Variants in ZBTB32 observed in about 807,000 individuals in gnomAD.
ZBTB32 encodes zinc finger and BTB domain containing 32, also known as zinc finger and BTB domain-containing protein 32.
Under a neutral mutation model 45.3 loss-of-function variants are expected in ZBTB32, and 28 were observed. The ratio of observed to expected loss-of-function variants is 0.62; its 90% CI spans 0.46 to 0.85. The LOEUF (loss-of-function observed/expected upper bound fraction) is 0.85. ZBTB32 is among the 40% of genes least tolerant of loss of function. ZBTB32 has a pLI of 0.00. For synonymous variants in ZBTB32, 283 were observed against 255.7 expected (o/e 1.11, Z -1.02); for missense variants, 587 against 624.4 (o/e 0.94, Z 0.64).
At chr19:35,710,210 C>CA (rs548748968) in intron 1 of ZBTB32, among the ~76,000 whole-genome samples, 182 of 140,966 alleles carry the variant, frequency 1.3e-3, no homozygotes, top group South Asian at 8.4e-3. Flanking sequence ...AACTCTGTCT[C>CA]AAAAAAAAAA....
Position 35,707,917 on chromosome 19 carries a change from G to C in ZBTB32, c.-222+3294G>C, listed in dbSNP as rs187210012. Among the ~76,000 whole-genome samples, 34 of 152,274 alleles carry C rather than the reference G, an allele frequency of 2.2e-4. No homozygotes were observed. The East Asian group carries it at 6.0e-3, about 27-fold the overall frequency. On this transcript the variant is annotated intron_variant, in intron 1 of 6. Transcript: ENST00000392197. ...GAATCTCTTGAACCTGGGAGGCAGA[G>C]GTTGCACTGAGCCAAGATCGTGCCA...
Position 35,716,761 on chromosome 19 carries a change from C to A in ZBTB32, c.*9C>A. ...CTTCCTCCACCACCTGACGGGGTGT[C>A]GGTAGCGTCTTAGCCAAGAGTCCAA... On this transcript the variant is annotated 3_prime_UTR_variant, in exon 7 of 7. Coordinates refer to ENST00000392197, the MANE Select transcript of ZBTB32 (RefSeq NM_014383.3). 1 of 1,596,182 alleles carries A rather than the reference C, an allele frequency of 6.3e-7. No homozygotes were observed. The highest frequency in any genetic ancestry group is 1.1e-5 in the South Asian group (1 of 90,666).
At chr19:35,712,220 G>A (rs778679535) in intron 1 of ZBTB32, among the ~76,000 whole-genome samples, 3 of 152,028 alleles carry the variant, frequency 2.0e-5, no homozygotes, top group African/African-American at 2.4e-5. Flanking sequence ...CCAGCACTTC[G>A]GGAGGCCAAG....
chr19:35,713,293 A>C (rs570312430), intron 2 of ZBTB32: 1 of 152,338 alleles, frequency 6.6e-6, no homozygotes, highest in East Asian at 1.9e-4. Flanking sequence ...AGGCAGAGGC[A>C]GGGTTAGAAA....
chr19:35,714,691 C>A lies in ZBTB32; in HGVS notation c.65C>A (p.Ala22Asp). The A allele has an allele frequency of 6.2e-7, 1 of 1,606,928 alleles. No homozygotes were observed. ...TCTGATCGGCTGGTACAGCTAGCAG[C>A]CAGGCTCCGGCCAGCACTCTGTGAT... ...YGSDRLVQLA[A>D]RLRPALCDTL... Residue 22 changes from alanine to aspartate, a missense_variant, in exon 3 of 7, where the codon GCC (alanine) becomes GAC (aspartate). Coordinates refer to ENST00000392197, the MANE Select transcript of ZBTB32 (RefSeq NM_014383.3).
chr19:35,715,795 G>A lies in ZBTB32; in HGVS notation c.920G>A (p.Ser307Asn). The change falls in exon 4 of 7, where the codon AGC (serine) becomes AAC (asparagine). Residue 307 changes from serine to asparagine, a missense_variant. Coordinates refer to ENST00000392197, the MANE Select transcript of ZBTB32 (RefSeq NM_014383.3). Reference protein sequence around the residue: ...LSLNAPKGLWSQNQLASSSPT... With the variant: ...LSLNAPKGLWNQNQLASSSPT... ...CTAAATGCCCCCAAAGGGCTCTGGA[G>A]CCAGAACCAGTTGGCCTCCTCCAGC... The A allele has an allele frequency of 6.2e-7, 1 of 1,613,708 alleles. No individual in the cohort carries two copies. The highest frequency in any genetic ancestry group is 8.5e-7 in the Non-Finnish European group (1 of 1,179,910).
Position 35,715,151 on chromosome 19 carries a change from C to G in ZBTB32, c.525C>G (p.Pro175=). The change falls in exon 3 of 7, where the codon CCC becomes CCG. Residue 175 remains proline (P), a synonymous_variant. Coordinates refer to ENST00000392197, the MANE Select transcript of ZBTB32 (RefSeq NM_014383.3). ...LHKHSPPRGR[P]EMAGATQEAQ... Reference sequence around the variant, plus strand: ...AGCACTCGCCACCAAGAGGCAGACCCGAGATGGCAGGAGCAACGCAGGAGG... The same window carrying G: ...AGCACTCGCCACCAAGAGGCAGACCGGAGATGGCAGGAGCAACGCAGGAGG... 6.2e-7 allele frequency: 1 copy of G among 1,613,810 alleles called. No individual in the cohort carries two copies.
chr19:35,713,490 C>T (rs1968761094), intron 2 of ZBTB32: 1 of 152,364 alleles, frequency 6.6e-6, no homozygotes, highest in African/African-American at 2.4e-5. Context: ...AGGCCTTCTT[C>T]CCATCACAAC....
At chr19:35,707,395 A>T (rs1313018786) in intron 1 of ZBTB32, among the ~76,000 whole-genome samples, 3 of 116,364 alleles carry the variant, frequency 2.6e-5, no homozygotes, top group African/African-American at 1.0e-4. Flanking sequence ...TTCGAGATGG[A>T]GTCTTAGCTC....
chr19:35,712,024 CAAAAAAAAAAA>C (rs773746029), intron 1 of ZBTB32, among the ~76,000 whole-genome samples: 19,870 of 54,708 alleles, frequency 0.36, 1,574 homozygotes, highest in Middle Eastern at 0.51. Flanking sequence ...GACTGCGTCT[CAAAAAAAAAAA>C]AAAAAAAAAA....
At position 35,717,008 on chromosome 19, in the gene ZBTB32, A is replaced by T; in HGVS notation, c.*256A>T. ...AGGGGAGATTGTCGATCTCATCACCATAATAAAGAGTTTCCTGTGCCCTCC... is the reference window on the plus strand; with the variant it reads ...AGGGGAGATTGTCGATCTCATCACCTTAATAAAGAGTTTCCTGTGCCCTCC... On this transcript the variant is annotated 3_prime_UTR_variant, in exon 7 of 7. Transcript: ENST00000392197. 1 of 541,514 alleles carries T rather than the reference A, an allele frequency of 1.8e-6. No homozygotes were observed. The highest frequency in any genetic ancestry group is 3.3e-6 in the Non-Finnish European group (1 of 304,980). The allele number at this position is 541,514 out of a possible 1,614,324, so 33.5% of individuals were successfully genotyped here.
chr19:35,715,717 G>C (rs759362168), intron 3 of ZBTB32, 40 bp from the exon 4 acceptor site: 2 of 1,567,446 alleles, frequency 1.3e-6, no homozygotes, highest in South Asian at 1.1e-5. Flanking sequence ...CAGGCTCCCA[G>C]GTTTAGCCAA....
rs1968806850 is a variant in ZBTB32, at chr19:35,714,757, G to A, written c.131G>A (p.Ser44Asn). 8 of 1,614,070 alleles carry A rather than the reference G, an allele frequency of 5.0e-6. No homozygotes were observed. The highest frequency in any genetic ancestry group is 5.9e-6 in the Non-Finnish European group (7 of 1,180,048). Residue 44 changes from serine (S) to asparagine (N), a missense_variant, in exon 3 of 7, where the codon AGC (serine) becomes AAC (asparagine). Physicochemically the swap from Ser to Asn is conservative, Grantham distance 46. Transcript: ENST00000392197. ...TVGSQEFPAHSLVLAGVSQQL... is the reference protein window; with the variant it reads ...TVGSQEFPAHNLVLAGVSQQL... ...GGGAGCCAGGAGTTCCCCGCCCACA[G>A]CCTGGTGCTAGCAGGTGTCAGCCAG...
intron 1 of ZBTB32, among the ~76,000 whole-genome samples, chr19:35,708,569 G>C (rs1968606519): frequency 6.6e-6 from 1 of 152,196 alleles, no homozygotes; most frequent in Non-Finnish European, 1.5e-5. Flanking sequence ...GCCATTCACT[G>C]TGAAGGGATG....
intron 1 of ZBTB32, among the ~76,000 whole-genome samples, chr19:35,704,832 G>C (rs1199467550): frequency 6.6e-6 from 1 of 152,220 alleles, no homozygotes; most frequent in Non-Finnish European, 1.5e-5. Context: ...GGCTAAGCCA[G>C]CTTGCTCTCT....
chr19:35,715,634 G>A (rs1836136701), intron 3 of ZBTB32, 123 bp from the exon 4 acceptor site: 4 of 1,475,738 alleles, frequency 2.7e-6, no homozygotes, highest in African/African-American at 2.8e-5. Flanking sequence ...GAGACAAGAA[G>A]CTGCTGCCAC....
At position 35,716,171 on chromosome 19, in the gene ZBTB32, G is replaced by A. The variant is rs1453424589; in HGVS notation, c.1063G>A (p.Gly355Ser). 2.5e-6 allele frequency: 4 copies of A among 1,613,744 alleles called. No individual in the cohort carries two copies. The highest frequency in any genetic ancestry group is 3.4e-6 in the Non-Finnish European group (4 of 1,179,954). Residue 355 changes from glycine (G) to serine (S), a missense_variant, in exon 6 of 7, where the codon GGC becomes AGC. Coordinates refer to ENST00000392197, the MANE Select transcript of ZBTB32 (RefSeq NM_014383.3). Reference protein sequence around the residue: ...ATCAGHEDKAGCPPRPHPPPA... With the variant: ...ATCAGHEDKASCPPRPHPPPA... ...CTGTGCGGGTCATGAGGACAAGGCA[G>A]GCTGCCCACCTCGCCCGCACCCTCC...
chr19:35,715,058 C>T lies in ZBTB32; in HGVS notation c.432C>T (p.Asp144=). The change falls in exon 3 of 7, where the codon GAC becomes GAT. Residue 144 remains aspartate (D), a synonymous_variant. Coordinates refer to ENST00000392197, the MANE Select transcript of ZBTB32 (RefSeq NM_014383.3). The part of the protein sequence containing the change: ...PSRNPERELG[D]PGEKQKPEQV... ...GGAATCCTGAGAGAGAACTGGGGGA[C>T]CCTGGAGAGAAGCAGAAACCAGAAC... 6.2e-7 allele frequency: 1 copy of T among 1,613,746 alleles called. No homozygotes were observed.
chr19:35,707,752 C>T (rs1057289907), intron 1 of ZBTB32, among the ~76,000 whole-genome samples: 4 of 152,166 alleles, frequency 2.6e-5, no homozygotes, highest in East Asian at 2.0e-4. Context: ...GAGGCTGAGG[C>T]GGGTGGATCA....
Sources: allele counts gnomAD v4.1 joint callset (sites outside exome capture counted in the v4.1 genomes callset), GRCh38; gene constraint gnomAD v4.1.1; transcripts MANE v1.5; gene names NCBI Gene and HGNC (gene_info 2026-07-23, HGNC 2026-07-21).